Variants in CPNE4 observed in about 807,000 individuals in gnomAD.
CPNE4 encodes the protein copine 4, also known as copine-4.
In CPNE4, 25 loss-of-function variants were observed where a neutral mutation model predicts 67.9. That is an observed-to-expected ratio of 0.37 (90% CI 0.27 to 0.51). CPNE4 has a LOEUF of 0.51. Ranked by LOEUF, CPNE4 falls within the 20% of genes least tolerant of loss-of-function variation. The pLI is 0.93. For synonymous variants in CPNE4, 242 were observed against 244.9 expected (o/e 0.99, Z 0.11); for missense variants, 464 against 690.8 (o/e 0.67, Z 3.68).
intron 2 of CPNE4, among the ~76,000 whole-genome samples, chr3:131,880,202 G>A (rs1428902845): frequency 6.7e-6 from 1 of 148,960 alleles, no homozygotes; most frequent in South Asian, 2.1e-4. Flanking sequence ...TGCAAGCTCC[G>A]CCTCCCGGGT....
At chr3:131,721,948 T>C (rs910888644) in intron 3 of CPNE4, among the ~76,000 whole-genome samples, 5 of 152,230 alleles carry the variant, frequency 3.3e-5, no homozygotes, top group Non-Finnish European at 7.3e-5. Flanking sequence ...AGAGAACATA[T>C]GTTAATGGAG....
chr3:131,754,947 T>A (rs565861926), intron 2 of CPNE4, among the ~76,000 whole-genome samples: 47 of 152,326 alleles, frequency 3.1e-4, no homozygotes, highest in Admixed American at 1.7e-3. Flanking sequence ...TCTGTGAAAC[T>A]AGAGTTTTGG....
At chr3:131,600,722 G>T (rs1484143358) in intron 7 of CPNE4, among the ~76,000 whole-genome samples, 3 of 152,100 alleles carry the variant, frequency 2.0e-5, no homozygotes, top group Non-Finnish European at 4.4e-5. Flanking sequence ...TTCCTTATTA[G>T]CAGCATGTGT....
intron 2 of CPNE4, among the ~76,000 whole-genome samples, chr3:131,860,645 T>G (rs546383902): frequency 1.1e-3 from 169 of 151,068 alleles, no homozygotes; most frequent in African/African-American, 3.9e-3. Context: ...AGTCTAGGTT[T>G]GGATTACATG....
intron 1 of CPNE4, among the ~76,000 whole-genome samples, chr3:131,909,405 T>C (rs2088893349): frequency 6.6e-6 from 1 of 152,148 alleles, no homozygotes; most frequent in South Asian, 2.1e-4. Context: ...AGGCATCTGA[T>C]GGGAATGACA....
In CPNE4 at chr3:131,795,845, G is replaced by A. The variant is rs147721629; in HGVS notation, c.181-72220C>T. Reference sequence around the variant, plus strand: ...TATAGCTCACTAAATATGTAAATGTGGCCACCTCAGCACACACTCCTGTTC... The same window carrying A: ...TATAGCTCACTAAATATGTAAATGTAGCCACCTCAGCACACACTCCTGTTC... On this transcript the variant is annotated intron_variant, in intron 2 of 15. Transcript: ENST00000429747. Among the ~76,000 whole-genome samples the A allele has an allele frequency of 1.7e-3, 255 of 152,256 alleles. 5 individuals are homozygous for A. The highest frequency in any genetic ancestry group is 0.016 in the Admixed American group (239 of 15,286).
chr3:131,727,458 C>G (rs897160053), intron 2 of CPNE4, among the ~76,000 whole-genome samples: 1 of 144,800 alleles, frequency 6.9e-6, no homozygotes, highest in Non-Finnish European at 1.5e-5. Flanking sequence ...GAGCAAGACT[C>G]CGTCTCAAAA....
Position 131,876,240 on chromosome 3 carries a change from AAATAAAT to A in CPNE4, c.180+29017_180+29023del, listed in dbSNP as rs752269642. ...GGCAACAGAGCAAGACTCGGTCTCA[AAATAAAT>A]AAATAAATAAATAAATAAATAAATA... is the stretch of plus-strand genomic sequence containing the variant. On this transcript the variant is annotated intron_variant, in intron 2 of 15. Transcript: ENST00000429747. 4.6e-3 allele frequency among the ~76,000 whole-genome samples: 114 copies of A among 24,530 alleles called. 1 individual carries two copies. Among genetic ancestry groups the A allele is most frequent in the South Asian group, 2.7e-3 (1 of 376 alleles). The allele number at this position is 24,530 out of a possible 152,430, so 16.1% of individuals were successfully genotyped here. A position where few individuals can be genotyped will look rare whatever the true frequency, so the allele number is the denominator to read the frequency against.
intron 3 of CPNE4, among the ~76,000 whole-genome samples, chr3:131,720,651 T>A (rs1447281520): frequency 6.6e-6 from 1 of 152,178 alleles, no homozygotes; most frequent in Non-Finnish European, 1.5e-5. Context: ...AGTTCCCTCA[T>A]CCACAGGATG....
chr3:131,949,653 A>G (rs1420322572), intron 1 of CPNE4, among the ~76,000 whole-genome samples: 3 of 152,216 alleles, frequency 2.0e-5, no homozygotes, highest in Non-Finnish European at 4.4e-5. Context: ...GTTCTACCTT[A>G]TGAAATAAGA....
intron 2 of CPNE4, among the ~76,000 whole-genome samples, chr3:131,843,776 G>A (rs1207275427): frequency 1.3e-5 from 2 of 152,146 alleles, no homozygotes; most frequent in African/African-American, 2.4e-5. Context: ...CTGGAAGTGT[G>A]AGTCTGGCAC....
intron 2 of CPNE4, among the ~76,000 whole-genome samples, chr3:131,737,856 C>G (rs575548548): frequency 6.6e-6 from 1 of 152,108 alleles, no homozygotes; most frequent in Non-Finnish European, 1.5e-5. Context: ...AAAATAGCAA[C>G]CAAAACCTTC....
chr3:131,974,460 T>G (rs138132510), intron 1 of CPNE4, among the ~76,000 whole-genome samples: 1 of 152,298 alleles, frequency 6.6e-6, no homozygotes, highest in East Asian at 1.9e-4. Flanking sequence ...CATAGCACAC[T>G]CAGCTTAAAT....
chr3:131,616,743 T>A (rs573591379), intron 7 of CPNE4, among the ~76,000 whole-genome samples: 1 of 152,150 alleles, frequency 6.6e-6, no homozygotes, highest in South Asian at 2.1e-4. Context: ...TTCGAATTAA[T>A]CAGAACTGAA....
At chr3:131,849,477 A>G (rs1486357191) in intron 2 of CPNE4, among the ~76,000 whole-genome samples, 1 of 151,968 alleles carries the variant, frequency 6.6e-6, no homozygotes, top group Non-Finnish European at 1.5e-5. Flanking sequence ...ACTTTCGAAC[A>G]AGCAGATCTA....
Position 131,624,248 on chromosome 3 carries a change from T to C in CPNE4, c.682-36666A>G, listed in dbSNP as rs145906445. ...TGAGGCTGCTCAGACCCTGGCTCTC[T>C]TCCTTGTGACTGTGTCCCATTGCTA... On this transcript the variant is annotated intron_variant, in intron 7 of 15. Coordinates refer to ENST00000429747, the MANE Select transcript of CPNE4 (RefSeq NM_130808.3). Among the ~76,000 whole-genome samples, 834 of 152,344 alleles carry C rather than the reference T, an allele frequency of 5.5e-3. 11 individuals carry two copies. The highest frequency in any genetic ancestry group is 0.019 in the African/African-American group (802 of 41,578).
At chr3:131,832,088 T>G (rs758181984) in intron 2 of CPNE4, among the ~76,000 whole-genome samples, 1 of 152,224 alleles carries the variant, frequency 6.6e-6, no homozygotes, top group Non-Finnish European at 1.5e-5. Context: ...CAAAGTTCTA[T>G]CTAATGGGCT....
intron 2 of CPNE4, among the ~76,000 whole-genome samples, chr3:131,875,873 A>T (rs1273081008): frequency 6.6e-6 from 1 of 152,210 alleles, no homozygotes; most frequent in Non-Finnish European, 1.5e-5. Context: ...GTACAAAGAC[A>T]ATCTGTTTAA....
At chr3:131,729,087 A>C (rs1030728548) in intron 2 of CPNE4, among the ~76,000 whole-genome samples, 3 of 152,098 alleles carry the variant, frequency 2.0e-5, no homozygotes, top group African/African-American at 7.2e-5. Context: ...GAGGAGGTGA[A>C]GGCAAAAGCC....
Sources: allele counts gnomAD v4.1 joint callset (sites outside exome capture counted in the v4.1 genomes callset), GRCh38; gene constraint gnomAD v4.1.1; transcripts MANE v1.5; gene names NCBI Gene and HGNC (gene_info 2026-07-23, HGNC 2026-07-21).